Variants in PSD2 observed in about 807,000 individuals in gnomAD.
PSD2 encodes PH and SEC7 domain-containing protein 2.
A neutral mutation model predicts 69.8 loss-of-function variants in PSD2; 38 were observed. The ratio of observed to expected loss-of-function variants is 0.54; its 90% confidence interval spans 0.42 to 0.71. The LOEUF is 0.71. Among genes scored for constraint, PSD2 ranks in the 30% least tolerant of loss-of-function variants. PSD2 has a pLI of 0.00. For missense variants in PSD2, 943 were observed against 1,014.5 expected, an observed-to-expected ratio of 0.93 and a Z score of 0.96; for synonymous variants, 412 against 423.0, an observed-to-expected ratio of 0.97 and a Z score of 0.32.
At chr5:139,766,799 C>T in the PSD2 span, among the ~76,000 whole-genome samples, 1 of 150,152 alleles carries the variant, frequency 6.7e-6, no homozygotes, top group Non-Finnish European at 1.5e-5. Flanking sequence ...CACTGACTGG[C>T]CTGGGTTTGA....
chr5:139,837,811 C>A lies in PSD2; in HGVS notation c.1823+29C>A. On this transcript the variant is annotated intron_variant, in intron 12 of 14. Coordinates refer to ENST00000274710, the MANE Select transcript of PSD2 (RefSeq NM_032289.4). This position sits in a 1 kb window ranked among gnomAD's most constrained non-coding sequence, Gnocchi z 5.0. ...AGTAGGAGCTGGAGCCCTTCACTCC[C>A]ACCTGGGGCCCAGGGCCACAGTGAC... is the stretch of plus-strand genomic sequence containing the variant. The A allele has an allele frequency of 6.3e-7, 1 of 1,588,052 alleles. No homozygotes were observed. The highest frequency in any genetic ancestry group is 1.1e-5 in the South Asian group (1 of 88,430).
the PSD2 span, among the ~76,000 whole-genome samples, chr5:139,755,981 T>A: frequency 1.3e-5 from 2 of 152,218 alleles, no homozygotes; most frequent in African/African-American, 4.8e-5. Flanking sequence ...TATGTGCCTA[T>A]CCGTGTGGCT....
At chr5:139,769,901 C>T in the PSD2 span, among the ~76,000 whole-genome samples, 1 of 152,254 alleles carries the variant, frequency 6.6e-6, no homozygotes, top group African/African-American at 2.4e-5. Flanking sequence ...CTCACCAGGG[C>T]CTGCTTACCT....
At chr5:139,812,960 T>A (rs1469476059) in intron 2 of PSD2, among the ~76,000 whole-genome samples, 1 of 152,102 alleles carries the variant, frequency 6.6e-6, no homozygotes, top group Non-Finnish European at 1.5e-5. Flanking sequence ...TCCATGGCCA[T>A]AAGAGTGTTT....
upstream of PSD2, among the ~76,000 whole-genome samples, chr5:139,793,462 T>C (rs181788995): frequency 7.7e-4 from 117 of 152,204 alleles, no homozygotes; most frequent in Non-Finnish European, 1.5e-3. Flanking sequence ...GAAGTGTGGG[T>C]TGGGGGGACT....
the PSD2 span, among the ~76,000 whole-genome samples, chr5:139,757,059 G>T: frequency 6.6e-6 from 1 of 152,260 alleles, no homozygotes; most frequent in Admixed American, 6.5e-5. Flanking sequence ...GTCCAGGGTA[G>T]TGAGGGGCAT....
the PSD2 span, among the ~76,000 whole-genome samples, chr5:139,764,024 G>A: frequency 1.5e-3 from 232 of 152,304 alleles, no homozygotes; most frequent in African/African-American, 5.3e-3. Context: ...GTGAATAGAT[G>A]AGCTCTCCTG....
chr5:139,753,404 C>T, the PSD2 span, among the ~76,000 whole-genome samples: 1 of 152,172 alleles, frequency 6.6e-6, no homozygotes, highest in Non-Finnish European at 1.5e-5. Flanking sequence ...CAGCTGTCCC[C>T]ATGGCCAGTG....
At chr5:139,812,601 G>C (rs992527055) in intron 2 of PSD2, among the ~76,000 whole-genome samples, 6 of 152,202 alleles carry the variant, frequency 3.9e-5, no homozygotes, top group African/African-American at 1.4e-4. Context: ...TGCCTGGAAG[G>C]TCTGAGGAGT....
chr5:139,786,361 C>T, the PSD2 span, among the ~76,000 whole-genome samples: 1 of 152,132 alleles, frequency 6.6e-6, no homozygotes, highest in Non-Finnish European at 1.5e-5. Flanking sequence ...GCACTCCAGC[C>T]TGGGGGACAG....
chr5:139,820,932 G>T (rs1161165992), intron 5 of PSD2, among the ~76,000 whole-genome samples: 2 of 139,294 alleles, frequency 1.4e-5, no homozygotes, highest in African/African-American at 2.9e-5. Flanking sequence ...GGGGCCAGAG[G>T]TTGTTTTTTT....
intron 1 of PSD2, among the ~76,000 whole-genome samples, chr5:139,799,445 G>A (rs979342232): frequency 3.3e-5 from 5 of 152,230 alleles, no homozygotes; most frequent in African/African-American, 1.2e-4. Context: ...CACAGCAAGG[G>A]GAGAGGGCAT....
chr5:139,815,908 C>T (rs1277317718), intron 4 of PSD2, among the ~76,000 whole-genome samples: 2 of 150,306 alleles, frequency 1.3e-5, no homozygotes, highest in Non-Finnish European at 3.0e-5. Flanking sequence ...GCAGGAGAAT[C>T]GCTTGATCCT....
chr5:139,837,862 G>A lies in PSD2; in HGVS notation c.1823+80G>A, dbSNP rs534666830. 1.1e-5 allele frequency: 16 copies of A among 1,392,230 alleles called. No homozygotes were observed. The highest frequency in any genetic ancestry group is 2.0e-4 in the Middle Eastern group (1 of 5,066). The allele number at this position is 1,392,230 out of a possible 1,614,324, so 86.2% of individuals were successfully genotyped here. On this transcript the variant is annotated intron_variant, in intron 12 of 14. Coordinates refer to ENST00000274710, the MANE Select transcript of PSD2 (RefSeq NM_032289.4). This position sits in a 1 kb window ranked among gnomAD's most constrained non-coding sequence, Gnocchi z 5.0. ...CCGGCACACAACCCCTCTCCTTCCC[G>A]TGAGTCAGCAACAGAGCATGTGTAT...
At chr5:139,838,975 C>T (rs927937302) in intron 13 of PSD2, among the ~76,000 whole-genome samples, 1 of 152,160 alleles carries the variant, frequency 6.6e-6, no homozygotes, top group East Asian at 1.9e-4. Context: ...ACAGGGGCCA[C>T]AGCTGTGGCA....
the PSD2 span, among the ~76,000 whole-genome samples, chr5:139,769,280 G>A: frequency 6.6e-6 from 1 of 152,104 alleles, no homozygotes; most frequent in Non-Finnish European, 1.5e-5. Context: ...TGGCGGCGGG[G>A]GTTGGGGGAG....
chr5:139,810,120 A>G (rs190183396), intron 2 of PSD2, among the ~76,000 whole-genome samples: 14 of 152,066 alleles, frequency 9.2e-5, no homozygotes, highest in Non-Finnish European at 1.9e-4. Flanking sequence ...GTCCTTTTAA[A>G]ATGCCCAATG....
Position 139,830,590 on chromosome 5 carries a change from CTT to C in PSD2, c.1270-3108_1270-3107del, listed in dbSNP as rs1408487656. Among the ~76,000 whole-genome samples the C allele has an allele frequency of 5.6e-3, 554 of 98,462 alleles. 12 individuals carry two copies. The highest frequency in any genetic ancestry group is 0.022 in the African/African-American group (482 of 21,912). 64.6% of individuals were successfully genotyped at this position (98,462 alleles called of 152,430 possible). A position where few individuals can be genotyped will look rare whatever the true frequency, so the allele number is the denominator to read the frequency against. ...CCTTTCTTTCTTTCTTTCTTTCTTT[CTT>C]TTTCTTTCTTTCTTTCTCTTTCTTT... On this transcript the variant is annotated intron_variant, in intron 7 of 14. Transcript: ENST00000274710.
intron 7 of PSD2, among the ~76,000 whole-genome samples, chr5:139,825,429 G>A (rs1760392174): frequency 6.6e-6 from 1 of 152,210 alleles, no homozygotes; most frequent in Non-Finnish European, 1.5e-5. Flanking sequence ...TGGACTTGCT[G>A]GTTCATATAT....
Sources: gnomAD v4.1 joint callset for allele counts (sites outside exome capture counted in the v4.1 genomes callset) on GRCh38, gnomAD v4.1.1 for gene constraint, Gnocchi (gnomAD v3.1) non-coding constraint, MANE v1.5 for transcripts, NCBI Gene and HGNC (gene_info 2026-07-23, HGNC 2026-07-21) for gene names.